Variants in RFX3 observed in about 807,000 individuals in gnomAD.
RFX3 encodes the protein regulatory factor X3.
A neutral mutation model predicts 98.6 loss-of-function variants in RFX3; 14 were observed. The ratio of observed to expected loss-of-function variants is 0.14; its 90% CI spans 0.09 to 0.22. RFX3 has a LOEUF of 0.22. Ranked by LOEUF, RFX3 falls within the 10% of genes least tolerant of loss-of-function variation. RFX3 has a pLI of 1.00. For missense variants in RFX3, 639 were observed against 926.9 expected, an observed-to-expected ratio of 0.69 and a Z score of 4.03; for synonymous variants, 383 against 328.4, an observed-to-expected ratio of 1.17 and a Z score of -1.80.
intron 16 of RFX3, among the ~76,000 whole-genome samples, chr9:3,225,635 T>C (rs928921853): frequency 3.9e-5 from 6 of 152,204 alleles, no homozygotes; most frequent in African/African-American, 1.4e-4. Context: ...TTATGCTGGC[T>C]TTTGGGGAAT....
At chr9:3,382,057 C>G (rs1334800084) in intron 2 of RFX3, among the ~76,000 whole-genome samples, 1 of 151,980 alleles carries the variant, frequency 6.6e-6, no homozygotes, top group Non-Finnish European at 1.5e-5. Flanking sequence ...TCTCCTTTGT[C>G]CCCCTTAGAT....
At chr9:3,478,179 T>C (rs1005516852) in intron 1 of RFX3, among the ~76,000 whole-genome samples, 3 of 152,122 alleles carry the variant, frequency 2.0e-5, no homozygotes, top group Non-Finnish European at 4.4e-5. Context: ...TATTTGTCTC[T>C]GTGTGTTTTA....
At chr9:3,289,138 A>G (rs1303221505) in intron 6 of RFX3, among the ~76,000 whole-genome samples, 1 of 152,156 alleles carries the variant, frequency 6.6e-6, no homozygotes, top group Non-Finnish European at 1.5e-5. Context: ...ATATATAGCA[A>G]TACATCAGCA....
chr9:3,371,795 G>C (rs1837895343), intron 2 of RFX3, among the ~76,000 whole-genome samples: 1 of 152,130 alleles, frequency 6.6e-6, no homozygotes, highest in Admixed American at 6.5e-5. Context: ...ATAGAGGAAG[G>C]AATACTATGG....
At chr9:3,459,990 T>C (rs1277560503) in intron 1 of RFX3, among the ~76,000 whole-genome samples, 4 of 152,044 alleles carry the variant, frequency 2.6e-5, no homozygotes, top group Admixed American at 6.6e-5. Flanking sequence ...AAAGGGGTTT[T>C]AAATAATGAT....
chr9:3,507,037 T>A (rs957688484), intron 1 of RFX3, among the ~76,000 whole-genome samples: 1 of 151,922 alleles, frequency 6.6e-6, no homozygotes, highest in East Asian at 1.9e-4. Context: ...CAACTATTCA[T>A]TGTTTCTACT....
At chr9:3,314,578 A>T (rs1322871391) in intron 4 of RFX3, among the ~76,000 whole-genome samples, 1 of 152,252 alleles carries the variant, frequency 6.6e-6, no homozygotes, top group Non-Finnish European at 1.5e-5. Flanking sequence ...ACAGACTGGC[A>T]AATTGGATAA....
chr9:3,497,177 A>T (rs1400647934), intron 1 of RFX3, among the ~76,000 whole-genome samples: 1 of 152,060 alleles, frequency 6.6e-6, no homozygotes, highest in Non-Finnish European at 1.5e-5. Flanking sequence ...AATATGTACC[A>T]ATTCAGGCTA....
chr9:3,289,811 G>C (rs888055817), intron 6 of RFX3, among the ~76,000 whole-genome samples: 3 of 152,006 alleles, frequency 2.0e-5, no homozygotes, highest in African/African-American at 7.2e-5. Context: ...GTTTAAAACA[G>C]TGATTTGATT....
At chr9:3,261,290 T>G (rs1481907789) in intron 13 of RFX3, among the ~76,000 whole-genome samples, 2 of 152,124 alleles carry the variant, frequency 1.3e-5, no homozygotes, top group African/African-American at 4.8e-5. Context: ...CTCTTATTTG[T>G]TACCTCCCAG....
chr9:3,313,263 T>G (rs189712950), intron 4 of RFX3, among the ~76,000 whole-genome samples: 1 of 152,324 alleles, frequency 6.6e-6, no homozygotes, highest in Admixed American at 6.5e-5. Flanking sequence ...GGGTCTGGAA[T>G]GGACCTCCAG....
At chr9:3,285,343 G>C (rs1432534350) in intron 7 of RFX3, among the ~76,000 whole-genome samples, 3 of 151,642 alleles carry the variant, frequency 2.0e-5, no homozygotes, top group African/African-American at 4.8e-5. Context: ...GTATTCAGTA[G>C]AATCATTTGA....
At chr9:3,232,647 G>C (rs551968219) in intron 15 of RFX3, among the ~76,000 whole-genome samples, 1 of 152,272 alleles carries the variant, frequency 6.6e-6, no homozygotes, top group East Asian at 1.9e-4. Flanking sequence ...TTAGGAATTT[G>C]GCAAGTTAAG....
chr9:3,396,216 A>G (rs1840856079), intron 1 of RFX3, among the ~76,000 whole-genome samples: 1 of 150,712 alleles, frequency 6.6e-6, no homozygotes, highest in Non-Finnish European at 1.5e-5. Context: ...ACAGGCCCCG[A>G]TGTGTGATGT....
intron 8 of RFX3, 93 bp downstream of exon 8, chr9:3,277,247 G>T: frequency 3.0e-6 from 4 of 1,338,438 alleles, no homozygotes; most frequent in Non-Finnish European, 4.2e-6. Context: ...ATCTTTCTAT[G>T]TCATTGACAT....
chr9:3,352,222 T>A (rs958834352), intron 2 of RFX3, among the ~76,000 whole-genome samples: 10 of 152,016 alleles, frequency 6.6e-5, no homozygotes, highest in African/African-American at 2.2e-4. Context: ...TTTATGAATA[T>A]ATAAACATAA....
In RFX3 at chr9:3,314,280, T is replaced by A. The variant is rs150015722; in HGVS notation, c.475-12660A>T. On this transcript the variant is annotated intron_variant, in intron 4 of 16. Coordinates refer to ENST00000617270, the MANE Select transcript of RFX3 (RefSeq NM_001282116.2). ...TCATATCCAGCCAAACTAAGCTTCA[T>A]AAGTGAAAGAGAAAAAAAATCCATT... Among the ~76,000 whole-genome samples, 930 of 152,106 alleles carry A rather than the reference T, an allele frequency of 6.1e-3. 3 individuals carry two copies. The highest frequency in any genetic ancestry group is 9.9e-3 in the Non-Finnish European group (672 of 67,990).
chr9:3,379,879 AATTTATTTATTTATTTATTT>A (rs36232668), intron 2 of RFX3, among the ~76,000 whole-genome samples: 61 of 146,730 alleles, frequency 4.2e-4, no homozygotes, highest in Admixed American at 1.8e-3. Flanking sequence ...ACTTATGGGC[AATTTATTTATTTATTTATTT>A]ATTTATTTAT....
At chr9:3,256,864 A>G in intron 14 of RFX3, 127 bp downstream of exon 14, 2 of 812,102 alleles carry the variant, frequency 2.5e-6, no homozygotes, top group South Asian at 1.7e-5. Flanking sequence ...TAGTTGTAAC[A>G]GGGAGTTTCC....
Sources: allele counts gnomAD v4.1 joint callset (sites outside exome capture counted in the v4.1 genomes callset), GRCh38; gene constraint gnomAD v4.1.1; transcripts MANE v1.5; gene names NCBI Gene and HGNC (gene_info 2026-07-23, HGNC 2026-07-21).